Variants in VSTM4 observed in about 807,000 individuals in gnomAD.
VSTM4 encodes V-set and transmembrane domain-containing protein 4.
In VSTM4, 20 loss-of-function variants were observed where a neutral mutation model predicts 36.4. The ratio of observed to expected loss-of-function variants is 0.55; its 90% CI spans 0.39 to 0.80. VSTM4 has a LOEUF of 0.80. VSTM4 is among the 30% of genes least tolerant of loss of function. The pLI is 0.00. For synonymous variants in VSTM4, 182 were observed against 173.9 expected, an observed-to-expected ratio of 1.05 and a Z score of -0.37; for missense variants, 392 against 404.5, an observed-to-expected ratio of 0.97 and a Z score of 0.26.
intron 2 of VSTM4, 81 bp downstream of exon 2, chr10:49,107,513 A>G: frequency 6.6e-7 from 1 of 1,504,832 alleles, no homozygotes; most frequent in East Asian, 2.3e-5. Flanking sequence ...CCAACCCGGG[A>G]GCCCCTGGGT....
At chr10:49,067,887 G>C (rs1450538088) in intron 4 of VSTM4, among the ~76,000 whole-genome samples, 1 of 152,080 alleles carries the variant, frequency 6.6e-6, no homozygotes, top group Non-Finnish European at 1.5e-5. Context: ...GAAATCCGAA[G>C]ATGCTCAAGA....
chr10:49,065,657 G>A (rs1843960396), intron 4 of VSTM4, among the ~76,000 whole-genome samples: 1 of 152,168 alleles, frequency 6.6e-6, no homozygotes, highest in South Asian at 2.1e-4. Context: ...GAACAACCAG[G>A]TCCCAGGTAA....
chr10:49,065,380 G>A lies in VSTM4; in HGVS notation c.635-644C>T, dbSNP rs374028634. ...TGTGTGGTAGATTGTTACATCAGTG[G>A]ACTCAGTGAATCACACCTCCTTGTA... is the stretch of plus-strand genomic sequence containing the variant. On this transcript the variant is annotated intron_variant, in intron 4 of 7. Coordinates refer to ENST00000332853, the MANE Select transcript of VSTM4 (RefSeq NM_001031746.5). 2.6e-5 allele frequency among the ~76,000 whole-genome samples: 4 copies of A among 152,284 alleles called. No individual in the cohort carries two copies. The East Asian group carries it at 5.8e-4, about 22-fold the overall frequency.
At chr10:49,048,069 G>T (rs1028002595) in intron 6 of VSTM4, among the ~76,000 whole-genome samples, 1 of 152,112 alleles carries the variant, frequency 6.6e-6, no homozygotes, top group Non-Finnish European at 1.5e-5. Flanking sequence ...TTCACACCTG[G>T]TTGACATCTT....
Position 49,100,582 on chromosome 10 carries a change from T to TA in VSTM4, c.457+7011dup, listed in dbSNP as rs1005470405. On this transcript the variant is annotated intron_variant, in intron 2 of 7. Transcript: ENST00000332853. The stretch of plus-strand genomic sequence containing the variant: ...AAAAAAAATTGTACTGAAAGACATT[T>TA]AAAAAAAAAACCCTGACTACATGAA... Among the ~76,000 whole-genome samples the TA allele has an allele frequency of 4.0e-4, 60 of 148,590 alleles. No homozygotes were observed. The Middle Eastern group carries it at 0.014, about 34-fold the overall frequency.
chr10:49,084,490 T>G (rs1203529162), intron 3 of VSTM4, among the ~76,000 whole-genome samples: 1 of 152,236 alleles, frequency 6.6e-6, no homozygotes, highest in Non-Finnish European at 1.5e-5. Flanking sequence ...TGTTTCAGTC[T>G]ACTGCTTTAT....
At chr10:49,103,075 G>A (rs923392747) in intron 2 of VSTM4, 3 of 152,310 alleles carry the variant, frequency 2.0e-5, no homozygotes, top group Admixed American at 6.5e-5. Flanking sequence ...TCTTGAAATT[G>A]TGTCCATTTT....
chr10:49,103,358 G>T (rs74923460), intron 2 of VSTM4: 6,408 of 254,620 alleles, frequency 0.025, 105 homozygotes, highest in Non-Finnish European at 0.031. Flanking sequence ...CAGTAAGATT[G>T]AAATTAGGTT....
intron 7 of VSTM4, among the ~76,000 whole-genome samples, chr10:49,030,645 A>G (rs960835154): frequency 2.6e-5 from 4 of 152,280 alleles, no homozygotes; most frequent in African/African-American, 9.6e-5. Context: ...AGCAGAGCAA[A>G]TTCGCCTCAG....
chr10:49,034,130 CCAT>C (rs745508384), intron 7 of VSTM4, among the ~76,000 whole-genome samples: 2 of 151,968 alleles, frequency 1.3e-5, no homozygotes, highest in African/African-American at 4.8e-5. Context: ...ATCACTACCA[CCAT>C]CATCATCAGC....
chr10:49,074,714 G>A (rs1844143693), intron 4 of VSTM4, among the ~76,000 whole-genome samples: 1 of 152,226 alleles, frequency 6.6e-6, no homozygotes, highest in South Asian at 2.1e-4. Flanking sequence ...GCAGGTACTG[G>A]CTAGAGCTGT....
intron 5 of VSTM4, 175 bp downstream of exon 5, chr10:49,064,528 A>G (rs534761345): frequency 1.4e-6 from 1 of 734,966 alleles, no homozygotes; most frequent in Admixed American, 3.0e-5. Flanking sequence ...TGAAAACCAG[A>G]CTGTAGACCT....
intron 2 of VSTM4, among the ~76,000 whole-genome samples, chr10:49,095,971 G>A (rs1844563887): frequency 6.6e-6 from 1 of 152,126 alleles, no homozygotes. Flanking sequence ...CAAGACCATG[G>A]CAGTTGGAAT....
chr10:49,051,390 CTTTTTT>C (rs796786621), intron 5 of VSTM4, among the ~76,000 whole-genome samples: 1 of 130,804 alleles, frequency 7.6e-6, no homozygotes, highest in Admixed American at 7.9e-5. Context: ...CAGCTCATTT[CTTTTTT>C]TTTTTTTTTT....
At chr10:49,082,597 C>T (rs1009138668) in intron 3 of VSTM4, among the ~76,000 whole-genome samples, 1 of 152,192 alleles carries the variant, frequency 6.6e-6, no homozygotes, top group South Asian at 2.1e-4. Flanking sequence ...ACTGCTTGAA[C>T]CCAGGAGGCG....
chr10:49,061,989 C>T (rs2131975280), intron 5 of VSTM4, among the ~76,000 whole-genome samples: 1 of 152,240 alleles, frequency 6.6e-6, no homozygotes, highest in South Asian at 2.1e-4. Context: ...TAAGATCTAC[C>T]TATAGGAATT....
chr10:49,042,720 C>T (rs1170526317), intron 7 of VSTM4, among the ~76,000 whole-genome samples: 9 of 152,168 alleles, frequency 5.9e-5, no homozygotes, highest in Non-Finnish European at 8.8e-5. Flanking sequence ...ATATCCATTG[C>T]GCTAAACACA....
chr10:49,111,212 G>C (rs1027799674), intron 1 of VSTM4, among the ~76,000 whole-genome samples: 1 of 152,226 alleles, frequency 6.6e-6, no homozygotes, highest in Non-Finnish European at 1.5e-5. Flanking sequence ...GCACCCAGGG[G>C]CTGGCAAATG....
intron 4 of VSTM4, 98 bp downstream of exon 4, chr10:49,077,121 G>T: frequency 8.3e-7 from 1 of 1,204,146 alleles, no homozygotes; most frequent in Non-Finnish European, 1.2e-6. Context: ...GACTCACAAT[G>T]CACTTTTCCA....
Sources: gnomAD v4.1 joint callset for allele counts (sites outside exome capture counted in the v4.1 genomes callset) on GRCh38, gnomAD v4.1.1 for gene constraint, MANE v1.5 for transcripts, NCBI Gene and HGNC (gene_info 2026-07-23, HGNC 2026-07-21) for gene names.